Variants in RFX2 observed in about 807,000 individuals in gnomAD.
RFX2 encodes the protein DNA-binding protein RFX2.
A neutral mutation model predicts 87.8 loss-of-function variants in RFX2; 20 were observed. The ratio of observed to expected loss-of-function variants is 0.23; its 90% confidence interval spans 0.16 to 0.33. RFX2 has a LOEUF of 0.33. Among genes scored for constraint, RFX2 ranks in the 10% least tolerant of loss-of-function variants. The probability of loss-of-function intolerance (pLI) is 1.00; values close to 1 mark genes in which losing one functional copy is unlikely to be tolerated. For missense variants in RFX2, 767 were observed against 1,012.3 expected (o/e 0.76, Z 3.29); for synonymous variants, 397 against 431.3 (o/e 0.92, Z 0.98).
At position 6,017,028 on chromosome 19, in the gene RFX2, T is replaced by G. The variant is rs540187463; in HGVS notation, c.598-757A>C. Among the ~76,000 whole-genome samples the G allele has an allele frequency of 6.6e-6, 1 of 152,030 alleles. No individual in the cohort carries two copies. The highest frequency in any genetic ancestry group is 1.5e-5 in the Non-Finnish European group (1 of 68,014). On this transcript the variant is annotated intron_variant, in intron 6 of 17. Coordinates refer to ENST00000303657, the MANE Select transcript of RFX2 (RefSeq NM_000635.4). The surrounding 1 kb of genome is among the most constrained non-coding windows in gnomAD (Gnocchi z 4.1). Reference sequence around the variant, plus strand: ...TGAGCTAACATGTACTGAGATCCCTTATTGAGGGAGGTACAAATGGAAATT... The same window carrying G: ...TGAGCTAACATGTACTGAGATCCCTGATTGAGGGAGGTACAAATGGAAATT...
At chr19:6,009,211 C>T (rs888012486) in intron 9 of RFX2, among the ~76,000 whole-genome samples, 5 of 152,114 alleles carry the variant, frequency 3.3e-5, no homozygotes, top group African/African-American at 7.2e-5. Context: ...CAATCTCTGC[C>T]GAAGACTCAA....
At position 6,098,965 on chromosome 19, in the gene RFX2, CAAAAAAAAAA is replaced by C. The variant is rs34110529; in HGVS notation, c.-9+11418_-9+11427del. Among the ~76,000 whole-genome samples, 11 of 52,798 alleles carry C rather than the reference CAAAAAAAAAA, an allele frequency of 2.1e-4. No homozygotes were observed. The East Asian group carries it at 3.0e-3, about 14-fold the overall frequency. The allele number at this position is 52,798 out of a possible 152,430, so 34.6% of individuals were successfully genotyped here. On this transcript the variant is annotated intron_variant, in intron 1 of 17. Coordinates refer to ENST00000303657, the MANE Select transcript of RFX2 (RefSeq NM_000635.4). ...AATCTTTCACAAACTGCTTGAACCA[CAAAAAAAAAA>C]AAAAAAAAAAAAAAAAAAGCTAAGG...
chr19:6,033,202 G>A (rs1599869166), intron 5 of RFX2, among the ~76,000 whole-genome samples: 1 of 152,144 alleles, frequency 6.6e-6, no homozygotes, highest in Non-Finnish European at 1.5e-5. Flanking sequence ...ACTAATCCAC[G>A]GACGTTATAG....
intron 1 of RFX2, among the ~76,000 whole-genome samples, chr19:6,106,642 TCTC>T (rs1487181602): frequency 6.6e-6 from 1 of 152,042 alleles, no homozygotes; most frequent in African/African-American, 2.4e-5. Context: ...AGACTCGCAT[TCTC>T]CTCCCCTGCA....
At position 6,026,871 on chromosome 19, in the gene RFX2, G is replaced by A. The variant is rs1370814882; in HGVS notation, c.523-634C>T. 3.9e-5 allele frequency among the ~76,000 whole-genome samples: 6 copies of A among 152,204 alleles called. No individual in the cohort carries two copies. The highest frequency in any genetic ancestry group is 2.1e-4 in the South Asian group (1 of 4,832). The stretch of plus-strand genomic sequence containing the variant: ...TTTTTGGAAAAGAGAAAAGAGTTTT[G>A]GAAGAAAGAGTTGGGCAGCTAACAG... On this transcript the variant is annotated intron_variant, in intron 5 of 17. Coordinates refer to ENST00000303657, the MANE Select transcript of RFX2 (RefSeq NM_000635.4). This position sits in a 1 kb window ranked among gnomAD's most constrained non-coding sequence, Gnocchi z 4.5.
intron 3 of RFX2, 86 bp from the exon 4 acceptor site, chr19:6,042,209 G>T: frequency 2.5e-6 from 3 of 1,179,596 alleles, no homozygotes; most frequent in Non-Finnish European, 3.8e-6. Flanking sequence ...GTCTTCTATT[G>T]CCTTTATGAA....
At chr19:6,085,831 C>T (rs1006310478) in intron 1 of RFX2, among the ~76,000 whole-genome samples, 1 of 152,148 alleles carries the variant, frequency 6.6e-6, no homozygotes, top group African/African-American at 2.4e-5. Context: ...GTGGCTCACG[C>T]CTGTAATCCC....
At chr19:6,008,278 GA>G in intron 9 of RFX2, 54 bp from the exon 10 acceptor site, 3 of 1,220,646 alleles carry the variant, frequency 2.5e-6, no homozygotes, top group African/African-American at 1.5e-5. Context: ...GGACACCGTG[GA>G]CAACTGGAAG....
chr19:5,994,577 T>C lies in RFX2; in HGVS notation c.*258A>G, dbSNP rs943017076. 1.9e-6 allele frequency: 1 copy of C among 516,580 alleles called. No homozygotes were observed. Among genetic ancestry groups the C allele is most frequent in the Non-Finnish European group, 3.5e-6 (1 of 286,410 alleles). 32.0% of individuals were successfully genotyped at this position (516,580 alleles called of 1,614,324 possible). A position where few individuals can be genotyped will look rare whatever the true frequency, so the allele number is the denominator to read the frequency against. On this transcript the variant is annotated 3_prime_UTR_variant, in exon 18 of 18. Transcript: ENST00000303657. ...TTTGTCCAGAATAAGGAACCCATGG[T>C]CTGGTGGGGCCCTGGTGGCTGCGCA...
rs1429936162 is a variant in RFX2, at chr19:6,019,510, GTA to G, written c.598-3241_598-3240del. 5.0e-3 allele frequency among the ~76,000 whole-genome samples: 486 copies of G among 97,274 alleles called. 1 individual carries two copies. The East Asian group carries it at 0.069, about 14-fold the overall frequency. The allele number at this position is 97,274 out of a possible 152,430, so 63.8% of individuals were successfully genotyped here. On this transcript the variant is annotated intron_variant, in intron 6 of 17. Coordinates refer to ENST00000303657, the MANE Select transcript of RFX2 (RefSeq NM_000635.4). ...CCTTGATGTTGAAGTTAGTGTGTGA[GTA>G]TGTGTGTGTGTGTGTGTGTGTGTGT...
rs1021401870 is a variant in RFX2, at chr19:6,074,696, G to A, written c.-8-27192C>T. On this transcript the variant is annotated intron_variant, in intron 1 of 17. Coordinates refer to ENST00000303657, the MANE Select transcript of RFX2 (RefSeq NM_000635.4). The surrounding 1 kb of genome is among the most constrained non-coding windows in gnomAD (Gnocchi z 5.2). ...ATACACTCAAATGCACAAGTGGAGT[G>A]CGGCATGGGCCAGGGGCAACAAGGT... Among the ~76,000 whole-genome samples, 1 of 152,162 alleles carries A rather than the reference G, an allele frequency of 6.6e-6. No individual in the cohort carries two copies. Among genetic ancestry groups the A allele is most frequent in the East Asian group, 1.9e-4 (1 of 5,174 alleles).
chr19:6,090,551 G>C (rs1210175561), intron 1 of RFX2, among the ~76,000 whole-genome samples: 1 of 152,084 alleles, frequency 6.6e-6, no homozygotes, highest in African/African-American at 2.4e-5. Context: ...TAAAAGTGTT[G>C]GTGAGGATGT....
intron 5 of RFX2, among the ~76,000 whole-genome samples, chr19:6,036,042 A>G (rs992396596): frequency 1.5e-4 from 23 of 152,178 alleles, no homozygotes; most frequent in Admixed American, 1.4e-3. Context: ...AGAGAACATG[A>G]TTGTTTCTCA....
In RFX2 at chr19:6,004,440, G is replaced by A; in HGVS notation, c.1403-142C>T. 1.4e-6 allele frequency: 1 copy of A among 691,790 alleles called. No individual in the cohort carries two copies. The highest frequency in any genetic ancestry group is 2.6e-6 in the Non-Finnish European group (1 of 384,392). The allele number at this position is 691,790 out of a possible 1,614,324, so 42.9% of individuals were successfully genotyped here. On this transcript the variant is annotated intron_variant, in intron 12 of 17. Coordinates refer to ENST00000303657, the MANE Select transcript of RFX2 (RefSeq NM_000635.4). The surrounding 1 kb of genome is among the most constrained non-coding windows in gnomAD (Gnocchi z 4.8). Reference sequence around the variant, plus strand: ...AGCCACACAGGCGACGGGGAACCGAGGACACTTAGAAACGGGAAGAACCAG... The same window carrying A: ...AGCCACACAGGCGACGGGGAACCGAAGACACTTAGAAACGGGAAGAACCAG...
chr19:6,039,886 G>C lies in RFX2; in HGVS notation c.522+94C>G, dbSNP rs982482425. On this transcript the variant is annotated intron_variant, in intron 5 of 17. Transcript: ENST00000303657. The surrounding 1 kb of genome is among the most constrained non-coding windows in gnomAD (Gnocchi z 5.2). ...GCCCAGAGCAGACGACAGCCCCTCC[G>C]GGCCTCCGGCTGCCTCTTACTCACC... The C allele has an allele frequency of 2.1e-6, 3 of 1,395,974 alleles. No homozygotes were observed. The highest frequency in any genetic ancestry group is 2.6e-5 in the East Asian group (1 of 38,496). The allele number at this position is 1,395,974 out of a possible 1,614,324, so 86.5% of individuals were successfully genotyped here.
At chr19:6,031,322 G>A (rs766879001) in intron 5 of RFX2, among the ~76,000 whole-genome samples, 96 of 151,376 alleles carry the variant, frequency 6.3e-4, no homozygotes, top group Admixed American at 1.2e-3. Flanking sequence ...GTAAAGAGAT[G>A]TGTGCTCAAG....
intron 5 of RFX2, among the ~76,000 whole-genome samples, chr19:6,030,796 A>G (rs547018331): frequency 6.6e-6 from 1 of 152,352 alleles, no homozygotes; most frequent in Non-Finnish European, 1.5e-5. Context: ...AATTTCAAAA[A>G]GTAATTTTAG....
chr19:6,082,523 C>G (rs1228508790), intron 1 of RFX2, among the ~76,000 whole-genome samples: 1 of 152,100 alleles, frequency 6.6e-6, no homozygotes, highest in Non-Finnish European at 1.5e-5. Flanking sequence ...TCCTCTAACT[C>G]CTGGGCTCAA....
intron 1 of RFX2, among the ~76,000 whole-genome samples, chr19:6,055,894 A>T (rs571839973): frequency 3.2e-4 from 49 of 152,364 alleles, no homozygotes; most frequent in African/African-American, 1.1e-3. Flanking sequence ...GGAATTAATT[A>T]CTGAAATTCA....
Sources: gnomAD v4.1 joint callset for allele counts (sites outside exome capture counted in the v4.1 genomes callset) on GRCh38, gnomAD v4.1.1 for gene constraint, Gnocchi (gnomAD v3.1) non-coding constraint, MANE v1.5 for transcripts, NCBI Gene and HGNC (gene_info 2026-07-23, HGNC 2026-07-21) for gene names.